The following DLGAP5 variants were observed in gnomAD, a reference collection of about 807,000 sequenced individuals.
The protein encoded by DLGAP5 is disks large-associated protein 5.
DLGAP5 carries 90 observed loss-of-function variants against 99.6 expected under a neutral mutation model. That is an observed-to-expected ratio of 0.90 (90% CI 0.76 to 1.08). The LOEUF (loss-of-function observed/expected upper bound fraction) is 1.08, where lower values mean the gene tolerates loss of function less well. Among genes scored for constraint, DLGAP5 ranks in the 50% least tolerant of loss-of-function variants. DLGAP5 has a pLI of 0.00. For synonymous variants in DLGAP5, 311 were observed against 321.3 expected (o/e 0.97, Z 0.34); for missense variants, 1,036 against 983.5 (o/e 1.05, Z -0.71).
Position 55,148,188 on chromosome 14 carries a change from T to C in DLGAP5, c.*163A>G, listed in dbSNP as rs890038915. On this transcript the variant is annotated 3_prime_UTR_variant, in exon 19 of 19. Coordinates refer to ENST00000247191, the MANE Select transcript of DLGAP5 (RefSeq NM_014750.5). ...AATGTACAAAATATCCCCACTTCCCTTGAGAAAGAGTATATCTAAAATACA... is the reference window on the plus strand; with the variant it reads ...AATGTACAAAATATCCCCACTTCCCCTGAGAAAGAGTATATCTAAAATACA... 2.8e-5 allele frequency: 20 copies of C among 708,916 alleles called. No homozygotes were observed. Among genetic ancestry groups the C allele is most frequent in the Non-Finnish European group, 1.3e-5 (6 of 451,052 alleles). 43.9% of individuals were successfully genotyped at this position (708,916 alleles called of 1,614,324 possible).
chr14:55,158,814 T>C, intron 13 of DLGAP5, 73 bp from the exon 14 acceptor site: 1 of 1,050,882 alleles, frequency 9.5e-7, no homozygotes, highest in Non-Finnish European at 1.4e-6. Context: ...AAACACAAAT[T>C]CATCACTTAA....
chr14:55,178,223 G>A (rs1203408966), intron 7 of DLGAP5, among the ~76,000 whole-genome samples: 2 of 151,962 alleles, frequency 1.3e-5, no homozygotes, highest in Non-Finnish European at 2.9e-5. Flanking sequence ...CTGCACTTCA[G>A]CCTGGGCGAC....
intron 12 of DLGAP5, among the ~76,000 whole-genome samples, chr14:55,167,981 T>A (rs954389114): frequency 2.0e-4 from 31 of 152,146 alleles, no homozygotes; most frequent in Admixed American, 1.9e-3. Flanking sequence ...GTTCACTTGC[T>A]CCCCAATTTT....
At chr14:55,185,632 C>T (rs1403947482) in intron 2 of DLGAP5, among the ~76,000 whole-genome samples, 1 of 152,162 alleles carries the variant, frequency 6.6e-6, no homozygotes, top group Non-Finnish European at 1.5e-5. Flanking sequence ...TACAGGCATG[C>T]GCCACTGCGC....
At chr14:55,156,503 C>T (rs1364183487) in intron 14 of DLGAP5, among the ~76,000 whole-genome samples, 1 of 152,194 alleles carries the variant, frequency 6.6e-6, no homozygotes, top group Non-Finnish European at 1.5e-5. Flanking sequence ...TCTGGGGAAT[C>T]TGAGTAGACT....
Position 55,150,644 on chromosome 14 carries a change from A to G in DLGAP5, c.2418+155T>C, listed in dbSNP as rs559677394. 7.4e-5 allele frequency: 40 copies of G among 538,514 alleles called. No individual in the cohort carries two copies. In the South Asian group the frequency reaches 9.6e-4, roughly 13 times the overall value. 33.4% of individuals were successfully genotyped at this position (538,514 alleles called of 1,614,324 possible). ...ATACTATATTTTAAAGTATATAAACACCAAATTTTTCTTCATTCTGTGAAA... is the reference window on the plus strand; with the variant it reads ...ATACTATATTTTAAAGTATATAAACGCCAAATTTTTCTTCATTCTGTGAAA... On this transcript the variant is annotated intron_variant, in intron 18 of 18. Coordinates refer to ENST00000247191, the MANE Select transcript of DLGAP5 (RefSeq NM_014750.5).
chr14:55,169,989 G>C (rs1439603728), intron 11 of DLGAP5, among the ~76,000 whole-genome samples: 2 of 152,044 alleles, frequency 1.3e-5, no homozygotes, highest in African/African-American at 2.4e-5. Context: ...ACAAAAATCA[G>C]CTGGGCCTGG....
At chr14:55,182,181 G>A (rs535884746) in intron 4 of DLGAP5, among the ~76,000 whole-genome samples, 189 bp downstream of exon 4, 2 of 152,218 alleles carry the variant, frequency 1.3e-5, no homozygotes, top group East Asian at 1.9e-4. Context: ...GATCTCATAC[G>A]GAATGTTGGA....
At chr14:55,159,329 A>G (rs550753403) in intron 13 of DLGAP5, among the ~76,000 whole-genome samples, 10 of 152,356 alleles carry the variant, frequency 6.6e-5, no homozygotes, top group African/African-American at 2.2e-4. Flanking sequence ...AGAAAGTCAC[A>G]TTTACACAGA....
chr14:55,157,527 C>T (rs11624600), intron 14 of DLGAP5, among the ~76,000 whole-genome samples: 38,050 of 151,776 alleles, frequency 0.25, 5,655 homozygotes, highest in Non-Finnish European at 0.33. Context: ...ACATCTATGG[C>T]TTATAAATAA....
At chr14:55,155,963 C>T (rs10133318) in intron 14 of DLGAP5, among the ~76,000 whole-genome samples, 3,914 of 151,644 alleles carry the variant, frequency 0.026, 161 homozygotes, top group African/African-American at 0.09. Flanking sequence ...TGGTGGCAGG[C>T]GCCTGTAGTC....
intron 2 of DLGAP5, among the ~76,000 whole-genome samples, chr14:55,188,676 G>T (rs1883503387): frequency 6.6e-6 from 1 of 151,674 alleles, no homozygotes; most frequent in South Asian, 2.1e-4. Context: ...ACTTTGGGAG[G>T]CTGAGGCAAG....
At chr14:55,169,342 T>TAAAA (rs61278586) in intron 12 of DLGAP5, 57 bp downstream of exon 12, 23 of 870,764 alleles carry the variant, frequency 2.6e-5, no homozygotes, top group South Asian at 1.1e-4. Flanking sequence ...TCCTGCTACT[T>TAAAA]AAAAAAAAAA....
chr14:55,180,760 G>C lies in DLGAP5; in HGVS notation c.599C>G (p.Pro200Arg). The C allele has an allele frequency of 6.2e-7, 1 of 1,614,006 alleles. No homozygotes were observed. Among genetic ancestry groups the C allele is most frequent in the South Asian group, 1.1e-5 (1 of 91,066 alleles). ...TGATCGAGTCATTCTCAACGACGTGGGCATTACAGGCTGCACAACTGTGGG... is the reference window on the plus strand; with the variant it reads ...TGATCGAGTCATTCTCAACGACGTGCGCATTACAGGCTGCACAACTGTGGG... ...KEKKVVQPVM[P>R]TSLRMTRSAT... Residue 200 changes from proline to arginine, a missense_variant, in exon 6 of 19, where the codon CCC becomes CGC. By Grantham distance (103) the Pro-to-Arg change is moderately radical. Transcript: ENST00000247191.
intron 5 of DLGAP5, 51 bp from the exon 6 acceptor site, chr14:55,180,829 T>C: frequency 6.2e-7 from 1 of 1,600,524 alleles, no homozygotes; most frequent in Non-Finnish European, 8.5e-7. Flanking sequence ...GTTATGAAAT[T>C]ATTGCTGTGA....
At chr14:55,189,721 C>T (rs1284210960) in intron 1 of DLGAP5, among the ~76,000 whole-genome samples, 1 of 152,202 alleles carries the variant, frequency 6.6e-6, no homozygotes. Flanking sequence ...AGCTTCCATG[C>T]TCTCTCAGGT....
At chr14:55,179,298 A>G (rs1223778536) in intron 7 of DLGAP5, among the ~76,000 whole-genome samples, 1 of 152,214 alleles carries the variant, frequency 6.6e-6, no homozygotes, top group East Asian at 1.9e-4. Flanking sequence ...ATTCAAACCC[A>G]GGCCTAAATG....
chr14:55,184,811 G>C (rs896104499), intron 2 of DLGAP5, among the ~76,000 whole-genome samples: 5 of 152,098 alleles, frequency 3.3e-5, no homozygotes, highest in Non-Finnish European at 7.4e-5. Context: ...CTCAGTTAAG[G>C]CTTCAGATAT....
chr14:55,169,355 AAAAAAG>A, intron 12 of DLGAP5, 38 bp downstream of exon 12: 1 of 1,357,912 alleles, frequency 7.4e-7, no homozygotes, highest in Non-Finnish European at 9.7e-7. Context: ...AAAAAAAAAA[AAAAAAG>A]CCCTAAGTTA....
Sources: allele counts gnomAD v4.1 joint callset (sites outside exome capture counted in the v4.1 genomes callset), GRCh38; gene constraint gnomAD v4.1.1; transcripts MANE v1.5; gene names NCBI Gene and HGNC (gene_info 2026-07-23, HGNC 2026-07-21).